The following PTK2B variants were observed in gnomAD, a reference collection of about 807,000 sequenced individuals.
PTK2B encodes protein-tyrosine kinase 2-beta.
PTK2B carries 71 observed loss-of-function variants against 142.9 expected under a neutral mutation model. That is an observed-to-expected ratio of 0.50 (90% CI 0.41 to 0.61). PTK2B has a LOEUF of 0.61. Among genes scored for constraint, PTK2B ranks in the 20% least tolerant of loss-of-function variants. The pLI, the probability that PTK2B is intolerant of heterozygous loss-of-function variation, is 0.00. For missense variants in PTK2B, 1,105 were observed against 1,320.4 expected, an observed-to-expected ratio of 0.84 and a Z score of 2.53; for synonymous variants, 519 against 503.4, an observed-to-expected ratio of 1.03 and a Z score of -0.42.
intron 2 of PTK2B, among the ~76,000 whole-genome samples, chr8:27,404,276 C>A (rs1472034902): frequency 1.3e-4 from 20 of 152,158 alleles, no homozygotes; most frequent in African/African-American, 4.8e-4. Context: ...TATCACAAGA[C>A]CATCTTTTCT....
rs1299497465 is a variant in PTK2B at position 27,363,120 on chromosome 8, A to G, written c.-37-34428A>G. On this transcript the variant is annotated intron_variant, in intron 1 of 30. Coordinates refer to ENST00000346049, the MANE Select transcript of PTK2B (RefSeq NM_173176.3). This position sits in a 1 kb window ranked among gnomAD's most constrained non-coding sequence, Gnocchi z 4.3. ...CCTGGGCAAATTCCCTCATTGGAGT[A>G]GGGACTAGGACAAGGGCCAGCCCAT... Among the ~76,000 whole-genome samples the G allele has an allele frequency of 1.3e-5, 2 of 152,230 alleles. No individual in the cohort carries two copies. The highest frequency in any genetic ancestry group is 2.9e-5 in the Non-Finnish European group (2 of 68,050).
At chr8:27,334,518 C>T (rs917610932) in intron 1 of PTK2B, among the ~76,000 whole-genome samples, 1 of 152,232 alleles carries the variant, frequency 6.6e-6, no homozygotes, top group African/African-American at 2.4e-5. Context: ...ATGGCAGCTT[C>T]TGGGCTTCTT....
intron 21 of PTK2B, 73 bp downstream of exon 21, chr8:27,440,514 A>C: frequency 2.0e-6 from 3 of 1,519,726 alleles, no homozygotes; most frequent in Non-Finnish European, 2.7e-6. Context: ...GCACACAGAG[A>C]GGTTTGCACC....
chr8:27,440,132 G>T lies in PTK2B; in HGVS notation c.1835-105G>T, dbSNP rs573104302. 4.2e-6 allele frequency: 5 copies of T among 1,192,154 alleles called. No individual in the cohort carries two copies. The African/African-American group carries it at 6.0e-5, about 14-fold the overall frequency. The allele number at this position is 1,192,154 out of a possible 1,614,324, so 73.8% of individuals were successfully genotyped here. A position where few individuals can be genotyped will look rare whatever the true frequency, so the allele number is the denominator to read the frequency against. On this transcript the variant is annotated intron_variant, in intron 20 of 30. Transcript: ENST00000346049. ...GGGTGCTGGAGGAGGAGGAGGGACC[G>T]CAGGAGCTGCTCCTGGTGGAGACTG...
intron 2 of PTK2B, among the ~76,000 whole-genome samples, chr8:27,405,045 TC>T (rs1808626685): frequency 6.3e-5 from 4 of 63,774 alleles, no homozygotes; most frequent in Non-Finnish European, 1.8e-4. Context: ...CCTCTCTCTC[TC>T]TCTCTCTCTC....
At chr8:27,445,592 G>A (rs1480408015) in intron 23 of PTK2B, among the ~76,000 whole-genome samples, 1 of 152,166 alleles carries the variant, frequency 6.6e-6, no homozygotes, top group Non-Finnish European at 1.5e-5. Flanking sequence ...GGGAATGTTG[G>A]ATGAATGAGA....
chr8:27,351,750 T>C (rs1490166814), intron 1 of PTK2B, among the ~76,000 whole-genome samples: 1 of 152,192 alleles, frequency 6.6e-6, no homozygotes, highest in Non-Finnish European at 1.5e-5. Flanking sequence ...TGGGGAAACA[T>C]TACACCTAAA....
At chr8:27,324,623 C>G (rs997260801), upstream of PTK2B, among the ~76,000 whole-genome samples, 1 of 152,244 alleles carries the variant, frequency 6.6e-6, no homozygotes, top group Non-Finnish European at 1.5e-5. Context: ...TCAGAAAGTA[C>G]ATTGTGAATA....
intron 2 of PTK2B, among the ~76,000 whole-genome samples, chr8:27,417,035 C>T (rs1809441746): frequency 6.6e-6 from 1 of 152,212 alleles, no homozygotes; most frequent in Non-Finnish European, 1.5e-5. Flanking sequence ...GACAGTTGCT[C>T]ATAAAGTCAG....
upstream of PTK2B, chr8:27,311,223 G>C (rs1450890329): frequency 1.3e-6 from 2 of 1,558,258 alleles, no homozygotes; most frequent in East Asian, 2.3e-5. Context: ...GACACGTCGG[G>C]ACTCCGCTCC....
At chr8:27,378,391 G>T (rs1014808645) in intron 1 of PTK2B, among the ~76,000 whole-genome samples, 1 of 152,232 alleles carries the variant, frequency 6.6e-6, no homozygotes, top group Non-Finnish European at 1.5e-5. Flanking sequence ...CACTTCAGGA[G>T]CTGAACGATC....
chr8:27,445,703 C>T, intron 23 of PTK2B, 91 bp from the exon 24 acceptor site: 6 of 1,560,246 alleles, frequency 3.8e-6, no homozygotes, highest in Non-Finnish European at 5.2e-6. Context: ...GGTGCTCATG[C>T]ATAGTTTCTT....
rs549320699 is a variant in PTK2B, at chr8:27,449,910, A to G, written c.2341-839A>G. Among the ~76,000 whole-genome samples the G allele has an allele frequency of 2.6e-5, 4 of 152,346 alleles. No homozygotes were observed. The East Asian group carries it at 7.7e-4, about 29-fold the overall frequency. ...GAGAGGAAGCATTTATCTTCTCTCT[A>G]TCAAACTATATTTCTTTGAATTTTG... On this transcript the variant is annotated intron_variant, in intron 24 of 30. Coordinates refer to ENST00000346049, the MANE Select transcript of PTK2B (RefSeq NM_173176.3).
intron 23 of PTK2B, among the ~76,000 whole-genome samples, chr8:27,445,316 G>A (rs1811397961): frequency 6.6e-6 from 1 of 152,178 alleles, no homozygotes; most frequent in African/African-American, 2.4e-5. Flanking sequence ...GGGAGGCTGA[G>A]GCAAGAGGAT....
At chr8:27,366,698 G>A (rs1245098225) in intron 1 of PTK2B, among the ~76,000 whole-genome samples, 2 of 152,236 alleles carry the variant, frequency 1.3e-5, no homozygotes, top group Non-Finnish European at 2.9e-5. Context: ...CCCCGAGGGA[G>A]GCAGGAAGTC....
intron 7 of PTK2B, among the ~76,000 whole-genome samples, 171 bp downstream of exon 7, chr8:27,430,589 C>G (rs911945408): frequency 3.3e-5 from 5 of 152,140 alleles, no homozygotes; most frequent in African/African-American, 9.7e-5. Flanking sequence ...GGCTGGGGAT[C>G]CAACTGTTAC....
Position 27,440,225 on chromosome 8 carries a change from C to T in PTK2B, c.1835-12C>T, listed in dbSNP as rs764464978. 37 of 1,613,992 alleles carry T rather than the reference C, an allele frequency of 2.3e-5. No homozygotes were observed. The South Asian group carries it at 4.0e-4, about 17-fold the overall frequency. On this transcript the variant is annotated splice_polypyrimidine_tract_variant and intron_variant, in intron 20 of 30. Coordinates refer to ENST00000346049, the MANE Select transcript of PTK2B (RefSeq NM_173176.3). ...TCCCCCACCCAGGGCCTGACGCTCC[C>T]TTACACCCCAGCCGTGTGCATGTGG... is the stretch of plus-strand genomic sequence containing the variant.
intron 4 of PTK2B, among the ~76,000 whole-genome samples, chr8:27,421,347 A>T (rs539949129): frequency 6.6e-6 from 1 of 151,846 alleles, no homozygotes; most frequent in African/African-American, 2.4e-5. Flanking sequence ...TTTTGGGGGA[A>T]CAGGTGGTGT....
chr8:27,378,362 A>G (rs1314733210), intron 1 of PTK2B, among the ~76,000 whole-genome samples: 1 of 152,226 alleles, frequency 6.6e-6, no homozygotes, highest in African/African-American at 2.4e-5. Flanking sequence ...ATTTTCAGCC[A>G]AACAATGAAG....
Sources: gnomAD v4.1 joint callset for allele counts (sites outside exome capture counted in the v4.1 genomes callset) on GRCh38, gnomAD v4.1.1 for gene constraint, Gnocchi (gnomAD v3.1) non-coding constraint, MANE v1.5 for transcripts, NCBI Gene and HGNC (gene_info 2026-07-23, HGNC 2026-07-21) for gene names.